Variants in BDP1 observed in about 807,000 individuals in gnomAD.
BDP1 encodes BDP1 general transcription factor IIIB subunit, also known as transcription factor TFIIIB component B'' homolog.
A neutral mutation model predicts 266.6 loss-of-function variants in BDP1; 169 were observed. That is an observed-to-expected ratio of 0.63 (90% CI 0.56 to 0.72). The LOEUF is 0.72. Among genes scored for constraint, BDP1 ranks in the 30% least tolerant of loss-of-function variants. The probability of loss-of-function intolerance (pLI) is 0.00; values close to 1 mark genes in which losing one functional copy is unlikely to be tolerated. For missense variants in BDP1, 3,015 were observed against 3,053.8 expected (o/e 0.99, Z 0.30); for synonymous variants, 1,090 against 1,022.4 (o/e 1.07, Z -1.26).
intron 11 of BDP1, 105 bp downstream of exon 11, chr5:71,491,236 A>G (rs1174671409): frequency 5.6e-6 from 6 of 1,079,908 alleles, no homozygotes; most frequent in Admixed American, 5.0e-5. Flanking sequence ...TCTTTTTTTC[A>G]GTTCTATTTG....
At chr5:71,551,768 GA>G (rs1195675948) in intron 34 of BDP1, among the ~76,000 whole-genome samples, 3 of 148,862 alleles carry the variant, frequency 2.0e-5, no homozygotes, top group Non-Finnish European at 3.0e-5. Flanking sequence ...GGCTGGCCGG[GA>G]GGGGGGCTGA....
At position 71,510,619 on chromosome 5, in the gene BDP1, C is replaced by A; in HGVS notation, c.3527C>A (p.Thr1176Asn). The A allele has an allele frequency of 1.3e-6, 2 of 1,586,576 alleles. No individual in the cohort carries two copies. The highest frequency in any genetic ancestry group is 1.7e-4 in the Middle Eastern group (1 of 5,896). ...VDEMETDLKT[T>N]GREGSSREKT... is the part of the protein sequence containing the mutation. ...GAAATGGAGACAGACTTGAAAACAA[C>A]TGGAAGAGAGGGTTCCTCAAGGGAG... The change falls in exon 17 of 39, where the codon ACT becomes AAT. Residue 1176 changes from threonine to asparagine, a missense_variant. Transcript: ENST00000358731.
At chr5:71,476,743 A>G (rs930354074) in intron 7 of BDP1, among the ~76,000 whole-genome samples, 2 of 151,672 alleles carry the variant, frequency 1.3e-5, no homozygotes, top group Non-Finnish European at 2.9e-5. Flanking sequence ...TCGCTCTGTC[A>G]CCCAGGCTGG....
intron 13 of BDP1, 48 bp downstream of exon 13, chr5:71,497,474 T>G: frequency 6.8e-7 from 1 of 1,481,080 alleles, no homozygotes. Context: ...AAAATTTTCT[T>G]TAGATAGTTG....
At chr5:71,491,911 G>T (rs890147550) in intron 11 of BDP1, among the ~76,000 whole-genome samples, 2 of 152,092 alleles carry the variant, frequency 1.3e-5, no homozygotes, top group Admixed American at 1.3e-4. Context: ...TAGAGACAGG[G>T]TTTCACCATT....
intron 1 of BDP1, among the ~76,000 whole-genome samples, chr5:71,458,308 A>AG (rs539183173): frequency 6.6e-6 from 1 of 152,030 alleles, no homozygotes; most frequent in African/African-American, 2.4e-5. Context: ...ATTTGTTTTG[A>AG]GGGGGGTAAG....
chr5:71,465,465 T>C (rs1235191201), intron 4 of BDP1, among the ~76,000 whole-genome samples: 1 of 152,164 alleles, frequency 6.6e-6, no homozygotes, highest in Non-Finnish European at 1.5e-5. Flanking sequence ...GGTCTTGCTA[T>C]GTTGCCCAGG....
chr5:71,525,690 AC>A (rs1317262115), intron 25 of BDP1, among the ~76,000 whole-genome samples: 2 of 66,040 alleles, frequency 3.0e-5, no homozygotes, highest in African/African-American at 6.2e-5. Flanking sequence ...CGGGGGGCTG[AC>A]CCCCCACCTC....
At position 71,562,778 on chromosome 5, in the gene BDP1, C is replaced by T. The variant is rs777955183; in HGVS notation, c.7743+258C>T. 38 of 1,372,434 alleles carry T rather than the reference C, an allele frequency of 2.8e-5. No homozygotes were observed. In the South Asian group the frequency reaches 4.5e-4, roughly 16 times the overall value. The allele number at this position is 1,372,434 out of a possible 1,614,324, so 85.0% of individuals were successfully genotyped here. On this transcript the variant is annotated intron_variant, in intron 38 of 38. Transcript: ENST00000358731. The stretch of plus-strand genomic sequence containing the variant: ...AATAGCCATTCCTTTAATCTAGAGA[C>T]CCTTCTGACTTGTGGAAGCAAAAGG...
intron 25 of BDP1, among the ~76,000 whole-genome samples, chr5:71,526,007 CAG>C (rs763124176): frequency 1.8e-4 from 28 of 152,184 alleles, no homozygotes; most frequent in Non-Finnish European, 3.4e-4. Flanking sequence ...GGCGGCCAGG[CAG>C]AGACGCTCCT....
At chr5:71,518,901 C>T (rs1765356563) in intron 22 of BDP1, among the ~76,000 whole-genome samples, 1 of 143,902 alleles carries the variant, frequency 6.9e-6, no homozygotes, top group African/African-American at 2.6e-5. Flanking sequence ...CTCATTGCAA[C>T]CTTCGCCTCC....
intron 13 of BDP1, among the ~76,000 whole-genome samples, chr5:71,500,143 T>A (rs2150436322): frequency 6.6e-6 from 1 of 152,158 alleles, no homozygotes; most frequent in Admixed American, 6.5e-5. Context: ...TCTTTTCCTG[T>A]TTTGTGAAAT....
chr5:71,483,952 A>C (rs1417440781), intron 8 of BDP1, 56 bp downstream of exon 8: 1 of 1,364,458 alleles, frequency 7.3e-7, no homozygotes. Context: ...AAAAATGACC[A>C]GTCTTTTGTC....
rs908912788 is a variant in BDP1, at chr5:71,536,332, T to C, written c.5893-2710T>C. Among the ~76,000 whole-genome samples, 6 of 152,338 alleles carry C rather than the reference T, an allele frequency of 3.9e-5. No homozygotes were observed. In the South Asian group the frequency reaches 1.0e-3, roughly 26 times the overall value. On this transcript the variant is annotated intron_variant, in intron 26 of 38. Transcript: ENST00000358731. ...ATTAAAAGGCTATCAAGTACCAGTATCCTTACATGTTGATAAACTGTTACA... is the reference window on the plus strand; with the variant it reads ...ATTAAAAGGCTATCAAGTACCAGTACCCTTACATGTTGATAAACTGTTACA...
downstream of BDP1, among the ~76,000 whole-genome samples, chr5:71,571,411 G>A (rs1744259696): frequency 6.6e-6 from 1 of 152,116 alleles, no homozygotes; most frequent in South Asian, 2.1e-4. Context: ...GCCTCCCAAA[G>A]TTCTGGGGTT....
At chr5:71,468,773 A>AT (rs1159020036) in intron 6 of BDP1, among the ~76,000 whole-genome samples, 2 of 151,242 alleles carry the variant, frequency 1.3e-5, no homozygotes, top group African/African-American at 4.9e-5. Flanking sequence ...TGCCCAGCTA[A>AT]TTTTTGTGTT....
intron 7 of BDP1, among the ~76,000 whole-genome samples, chr5:71,476,777 C>T (rs1161091308): frequency 2.6e-5 from 4 of 152,102 alleles, no homozygotes; most frequent in Non-Finnish European, 5.9e-5. Flanking sequence ...GGTCTAGGCT[C>T]ACTGCAAGCT....
rs566957721 is a variant in BDP1, at chr5:71,555,627, C to T, written c.7201-1259C>T. 2.4e-3 allele frequency among the ~76,000 whole-genome samples: 369 copies of T among 152,030 alleles called. 2 individuals are homozygous for T. Among genetic ancestry groups the T allele is most frequent in the African/African-American group, 8.5e-3 (353 of 41,496 alleles). On this transcript the variant is annotated intron_variant, in intron 35 of 38. Coordinates refer to ENST00000358731, the MANE Select transcript of BDP1 (RefSeq NM_018429.3). ...GCTAATTTTGTAATTTTAGTAGAGA[C>T]GGGGTTTCTCCATGTTGGTTAGGCT...
At position 71,522,845 on chromosome 5, in the gene BDP1, G is replaced by A. The variant is rs1193283000; in HGVS notation, c.5283G>A (p.Ala1761=). The A allele has an allele frequency of 1.5e-5, 24 of 1,613,570 alleles. No homozygotes were observed. Among genetic ancestry groups the A allele is most frequent in the Non-Finnish European group, 1.5e-5 (18 of 1,179,840 alleles). ...SKESALAKID[A]ELEEVGPSRR... ...AGTCTGCTTTGGCAAAAATAGATGC[G>A]GAATTAGAAGAAGTTGGACCATCAA... Residue 1761 remains alanine (A), a synonymous_variant, in exon 24 of 39, where the codon GCG becomes GCA. Coordinates refer to ENST00000358731, the MANE Select transcript of BDP1 (RefSeq NM_018429.3).
Sources: gnomAD v4.1 joint callset for allele counts (sites outside exome capture counted in the v4.1 genomes callset) on GRCh38, gnomAD v4.1.1 for gene constraint, MANE v1.5 for transcripts, NCBI Gene and HGNC (gene_info 2026-07-23, HGNC 2026-07-21) for gene names.